Variants in CSMD1 observed in about 807,000 individuals in gnomAD.
The protein encoded by CSMD1 is CUB and Sushi multiple domains 1, also known as CUB and sushi domain-containing protein 1.
Under a neutral mutation model 417.5 loss-of-function variants are expected in CSMD1, and 213 were observed. The observed-to-expected ratio is 0.51, with a 90% CI of 0.46 to 0.57. The LOEUF is 0.57. CSMD1 is among the 20% of genes least tolerant of loss of function. The probability of loss-of-function intolerance (pLI) is 0.00; values close to 1 mark genes in which losing one functional copy is unlikely to be tolerated. For synonymous variants in CSMD1, 2,862 were observed against 1,736.8 expected (o/e 1.65, Z -16.11); for missense variants, 6,923 against 4,529.7 (o/e 1.53, Z -15.17).
In CSMD1 at chr8:4,074,190, G is replaced by C. The variant is rs149528070; in HGVS notation, c.416-42091C>G. Among the ~76,000 whole-genome samples the C allele has an allele frequency of 3.2e-3, 492 of 152,090 alleles. 6 individuals carry two copies. Among genetic ancestry groups the C allele is most frequent in the African/African-American group, 0.011 (471 of 41,526 alleles). ...ACTTGTATGGTCCAAATTAGTTAAT[G>C]TCACTATGCTAAATTGTACACAAAT... On this transcript the variant is annotated intron_variant, in intron 3 of 69. Transcript: ENST00000635120.
chr8:3,567,933 T>C (rs1388864030), intron 10 of CSMD1, among the ~76,000 whole-genome samples: 2 of 152,162 alleles, frequency 1.3e-5, no homozygotes, highest in South Asian at 4.1e-4. Flanking sequence ...GACATCCCCA[T>C]GGACGCCGGA....
intron 5 of CSMD1, among the ~76,000 whole-genome samples, chr8:3,952,429 T>G (rs936075145): frequency 6.6e-6 from 1 of 152,240 alleles, no homozygotes; most frequent in South Asian, 2.1e-4. Context: ...ATGTAAAGGG[T>G]AATTATTTTC....
chr8:2,986,043 AGAAGGAAG>A (rs917126657), intron 54 of CSMD1, among the ~76,000 whole-genome samples: 3 of 150,650 alleles, frequency 2.0e-5, no homozygotes, highest in Non-Finnish European at 4.4e-5. Flanking sequence ...TCTCCATAGA[AGAAGGAAG>A]GAAGGAAGGA....
intron 2 of CSMD1, among the ~76,000 whole-genome samples, chr8:4,485,443 G>A (rs1039590295): frequency 2.0e-5 from 3 of 152,148 alleles, no homozygotes; most frequent in Non-Finnish European, 4.4e-5. Context: ...GGCTTCTATG[G>A]ATTCACAAGT....
At chr8:3,773,649 AT>A (rs1164511192) in intron 5 of CSMD1, among the ~76,000 whole-genome samples, 1 of 152,082 alleles carries the variant, frequency 6.6e-6, no homozygotes, top group Non-Finnish European at 1.5e-5. Context: ...GTTTTATTCA[AT>A]TTTGGCCTTA....
At chr8:3,413,521 A>C (rs1164883004) in intron 12 of CSMD1, among the ~76,000 whole-genome samples, 1 of 152,132 alleles carries the variant, frequency 6.6e-6, no homozygotes, top group Non-Finnish European at 1.5e-5. Flanking sequence ...CACGGTCCAA[A>C]CTCAGTAGGT....
intron 3 of CSMD1, among the ~76,000 whole-genome samples, chr8:4,074,134 T>G (rs894542971): frequency 6.6e-6 from 1 of 152,062 alleles, no homozygotes; most frequent in Admixed American, 6.6e-5. Context: ...TTGATCATGC[T>G]CTCCACGTAA....
chr8:3,592,693 C>T (rs910591904), intron 8 of CSMD1, among the ~76,000 whole-genome samples: 4 of 143,430 alleles, frequency 2.8e-5, no homozygotes, highest in South Asian at 4.3e-4. Flanking sequence ...TGTGCACATC[C>T]GTGTGTGTGT....
intron 1 of CSMD1, among the ~76,000 whole-genome samples, chr8:4,974,267 C>T (rs1040700357): frequency 1.3e-5 from 2 of 151,722 alleles, no homozygotes; most frequent in Non-Finnish European, 2.9e-5. Flanking sequence ...CTCATGTGAT[C>T]CACCTGTCTC....
chr8:3,492,316 G>T (rs142879685), intron 11 of CSMD1, among the ~76,000 whole-genome samples: 1 of 152,110 alleles, frequency 6.6e-6, no homozygotes, highest in Admixed American at 6.5e-5. Flanking sequence ...CTCAGAAGCC[G>T]CCCATGGCTC....
intron 46 of CSMD1, among the ~76,000 whole-genome samples, chr8:3,103,445 G>A (rs1237027001): frequency 1.3e-5 from 2 of 152,048 alleles, no homozygotes; most frequent in African/African-American, 2.4e-5. Context: ...GTATGAGACT[G>A]TACTGAAGAC....
intron 3 of CSMD1, among the ~76,000 whole-genome samples, chr8:4,394,199 G>C (rs767120948): frequency 3.7e-4 from 57 of 152,214 alleles, no homozygotes; most frequent in African/African-American, 1.1e-3. Context: ...ATACTTCTGA[G>C]ACAAGTGCCT....
At chr8:4,917,852 G>C (rs952035469) in intron 1 of CSMD1, among the ~76,000 whole-genome samples, 21 of 152,202 alleles carry the variant, frequency 1.4e-4, no homozygotes, top group African/African-American at 5.1e-4. Flanking sequence ...GATTTCCAAA[G>C]ACTGTAACAT....
At chr8:4,285,094 C>G (rs992957319) in intron 3 of CSMD1, among the ~76,000 whole-genome samples, 3 of 152,124 alleles carry the variant, frequency 2.0e-5, no homozygotes, top group African/African-American at 7.2e-5. Flanking sequence ...GAAAGTTTTG[C>G]TATTATTATG....
chr8:4,901,933 A>T (rs1314854583), intron 1 of CSMD1, among the ~76,000 whole-genome samples: 1 of 152,210 alleles, frequency 6.6e-6, no homozygotes, highest in Non-Finnish European at 1.5e-5. Context: ...TGTCAGTCAG[A>T]TATTGATCTT....
chr8:3,954,824 G>A (rs542270634), intron 5 of CSMD1, among the ~76,000 whole-genome samples: 4 of 152,142 alleles, frequency 2.6e-5, no homozygotes, highest in African/African-American at 9.6e-5. Flanking sequence ...AAGCGAGCAT[G>A]CGCAGTGTGG....
chr8:3,266,864 A>C (rs1202353225), intron 26 of CSMD1, among the ~76,000 whole-genome samples: 1 of 152,074 alleles, frequency 6.6e-6, no homozygotes, highest in Non-Finnish European at 1.5e-5. Flanking sequence ...AGCAGTAATC[A>C]CAGAGTGATG....
chr8:4,796,201 C>T (rs922710650), intron 1 of CSMD1, among the ~76,000 whole-genome samples: 1 of 151,844 alleles, frequency 6.6e-6, no homozygotes, highest in African/African-American at 2.4e-5. Context: ...AAGACCAGCT[C>T]CCCCTGCATC....
chr8:3,907,414 T>C (rs1346191458), intron 5 of CSMD1, among the ~76,000 whole-genome samples: 1 of 152,184 alleles, frequency 6.6e-6, no homozygotes, highest in African/African-American at 2.4e-5. Context: ...TTATTATGTA[T>C]TCCCCTTAGA....
Sources: allele counts gnomAD v4.1 joint callset (sites outside exome capture counted in the v4.1 genomes callset), GRCh38; gene constraint gnomAD v4.1.1; transcripts MANE v1.5; gene names NCBI Gene and HGNC (gene_info 2026-07-23, HGNC 2026-07-21).